The following CDKL4 variants were observed in gnomAD, a reference collection of about 807,000 sequenced individuals.
The protein encoded by CDKL4 is cyclin-dependent kinase-like 4.
Under a neutral mutation model 42.0 loss-of-function variants are expected in CDKL4, and 44 were observed. The ratio of observed to expected loss-of-function variants is 1.05; its 90% CI spans 0.82 to 1.35. The LOEUF is 1.35. Ranked by LOEUF, CDKL4 falls within the 40% of genes most tolerant of loss-of-function variation. The pLI is 0.00. For synonymous variants in CDKL4, 120 were observed against 121.6 expected (o/e 0.99, Z 0.09); for missense variants, 393 against 369.9 (o/e 1.06, Z -0.51).
At chr2:39,214,653 C>T (rs1677804382) in intron 3 of CDKL4, among the ~76,000 whole-genome samples, 1 of 152,124 alleles carries the variant, frequency 6.6e-6, no homozygotes, top group Non-Finnish European at 1.5e-5. Context: ...TTCAGGTAGA[C>T]CGGAGACTTG....
At chr2:39,190,263 T>G (rs377418824) in intron 6 of CDKL4, 42 bp downstream of exon 6, 85 of 1,417,772 alleles carry the variant, frequency 6.0e-5, no homozygotes, top group South Asian at 5.5e-4. Flanking sequence ...ATGAATGCTA[T>G]AACAATTCAG....
chr2:39,219,023 C>G (rs1403929570), intron 3 of CDKL4, among the ~76,000 whole-genome samples: 1 of 152,190 alleles, frequency 6.6e-6, no homozygotes, highest in Non-Finnish European at 1.5e-5. Flanking sequence ...ACTCATAACT[C>G]TTCTTTATTG....
intron 3 of CDKL4, among the ~76,000 whole-genome samples, chr2:39,220,056 C>T (rs540449352): frequency 7.6e-4 from 115 of 152,262 alleles, no homozygotes; most frequent in Admixed American, 1.5e-3. Context: ...CAGACAATAA[C>T]CCTGCAGGGT....
At chr2:39,230,886 A>G (rs1268262143) in intron 1 of CDKL4, among the ~76,000 whole-genome samples, 2 of 152,198 alleles carry the variant, frequency 1.3e-5, no homozygotes, top group Non-Finnish European at 2.9e-5. Flanking sequence ...TAATCACTAC[A>G]TTACACAGCC....
chr2:39,186,868 A>G (rs1167641942), intron 7 of CDKL4, among the ~76,000 whole-genome samples: 1 of 152,196 alleles, frequency 6.6e-6, no homozygotes, highest in East Asian at 1.9e-4. Flanking sequence ...CTAAGATACT[A>G]AATATATTTT....
intron 3 of CDKL4, among the ~76,000 whole-genome samples, chr2:39,223,346 C>T (rs946868457): frequency 1.3e-5 from 2 of 152,110 alleles, no homozygotes; most frequent in African/African-American, 2.4e-5. Context: ...AGGATGAAAA[C>T]AGTTAAAATT....
At chr2:39,230,534 G>C (rs991974679) in intron 1 of CDKL4, among the ~76,000 whole-genome samples, 8 of 152,064 alleles carry the variant, frequency 5.3e-5, no homozygotes, top group Admixed American at 5.2e-4. Flanking sequence ...TCTGTTTTGT[G>C]TCATCCATTC....
chr2:39,183,224 G>C (rs1026584936), intron 8 of CDKL4, among the ~76,000 whole-genome samples: 1 of 151,712 alleles, frequency 6.6e-6, no homozygotes, highest in Non-Finnish European at 1.5e-5. Flanking sequence ...AGGTTACAGT[G>C]AGCGGAGAAC....
intron 5 of CDKL4, among the ~76,000 whole-genome samples, chr2:39,202,192 G>T (rs538184936): frequency 6.6e-6 from 1 of 151,956 alleles, no homozygotes; most frequent in South Asian, 2.1e-4. Flanking sequence ...AGATCACACC[G>T]CTGCACTCCA....
chr2:39,231,066 C>G (rs115623168), intron 1 of CDKL4, among the ~76,000 whole-genome samples: 2,488 of 152,100 alleles, frequency 0.016, 77 homozygotes, highest in African/African-American at 0.054. Flanking sequence ...CAAAAAATTA[C>G]CCGGGTGTGG....
intron 3 of CDKL4, among the ~76,000 whole-genome samples, chr2:39,225,447 A>G (rs916997616): frequency 7.1e-6 from 1 of 140,512 alleles, no homozygotes; most frequent in East Asian, 1.9e-4. Context: ...GCTAGGGATT[A>G]AAAAAAAATC....
chr2:39,215,250 T>C (rs1036741019), intron 3 of CDKL4, among the ~76,000 whole-genome samples: 2 of 152,256 alleles, frequency 1.3e-5, no homozygotes, highest in Non-Finnish European at 2.9e-5. Context: ...TTAGTGATTA[T>C]TATTTTTCAC....
At chr2:39,235,910 T>TA (rs895281149) in intron 1 of CDKL4, among the ~76,000 whole-genome samples, 17 of 150,704 alleles carry the variant, frequency 1.1e-4, no homozygotes, top group African/African-American at 2.9e-4. Flanking sequence ...TGAGACATGC[T>TA]AAAAAAAAGG....
chr2:39,202,950 A>T (rs1323611489), intron 5 of CDKL4, among the ~76,000 whole-genome samples: 1 of 152,184 alleles, frequency 6.6e-6, no homozygotes, highest in Non-Finnish European at 1.5e-5. Context: ...AGCACTAACA[A>T]GTTGGCAGTG....
intron 5 of CDKL4, among the ~76,000 whole-genome samples, chr2:39,199,057 C>G (rs1230878265): frequency 6.6e-6 from 1 of 151,764 alleles, no homozygotes; most frequent in Non-Finnish European, 1.5e-5. Flanking sequence ...AAATCTGGTT[C>G]TTTGAAAAGA....
At chr2:39,178,652 T>C in intron 9 of CDKL4, 1 of 1,597,928 alleles carries the variant, frequency 6.3e-7, no homozygotes, top group South Asian at 1.1e-5. Flanking sequence ...TCTGCAATAT[T>C]GGCCCATTGG....
chr2:39,224,245 C>T (rs1277797673), intron 3 of CDKL4, among the ~76,000 whole-genome samples: 11 of 151,708 alleles, frequency 7.3e-5, no homozygotes, highest in African/African-American at 1.2e-4. Flanking sequence ...CCTTTTTTCT[C>T]GATTTAGTCT....
At chr2:39,244,474 T>G (rs926460801), upstream of CDKL4, among the ~76,000 whole-genome samples, 1 of 152,238 alleles carries the variant, frequency 6.6e-6, no homozygotes, top group African/African-American at 2.4e-5. Context: ...CCACCGGCGC[T>G]GCGCTCGATT....
At chr2:39,242,021 A>G (rs1265951937) in intron 1 of CDKL4, among the ~76,000 whole-genome samples, 2 of 152,086 alleles carry the variant, frequency 1.3e-5, no homozygotes, top group African/African-American at 4.8e-5. Context: ...AGTTGGTTGA[A>G]AATAGTTTTC....
Sources: allele counts gnomAD v4.1 joint callset (sites outside exome capture counted in the v4.1 genomes callset), GRCh38; gene constraint gnomAD v4.1.1; transcripts MANE v1.5; gene names NCBI Gene and HGNC (gene_info 2026-07-23, HGNC 2026-07-21).